RIMKLB: variants seen among roughly 807,000 people sequenced by gnomAD.
The protein encoded by RIMKLB is beta-citrylglutamate synthase B.
Under a neutral mutation model 32.0 loss-of-function variants are expected in RIMKLB, and 7 were observed. That is an observed-to-expected ratio of 0.22 (90% confidence interval 0.12 to 0.41). The LOEUF (loss-of-function observed/expected upper bound fraction) is 0.41, where lower values mean the gene tolerates loss of function less well. RIMKLB is among the 10% of genes least tolerant of loss of function. RIMKLB has a pLI of 1.00. For missense variants in RIMKLB, 289 were observed against 498.7 expected, an observed-to-expected ratio of 0.58 and a Z score of 4.00; for synonymous variants, 172 against 185.1, an observed-to-expected ratio of 0.93 and a Z score of 0.57.
upstream of RIMKLB, chr12:8,697,676 G>A (rs1221853363): frequency 6.8e-6 from 2 of 295,482 alleles, no homozygotes; most frequent in Middle Eastern, 1.2e-3. Flanking sequence ...GCGCCCTCGC[G>A]CTCCCTTTTC....
intron 4 of RIMKLB, among the ~76,000 whole-genome samples, chr12:8,753,250 TG>T: frequency 6.6e-6 from 1 of 152,316 alleles, no homozygotes; most frequent in South Asian, 2.1e-4. Flanking sequence ...TGACCTTTTA[TG>T]GTCTACCCTC....
chr12:8,722,828 TG>T (rs1315730184), intron 2 of RIMKLB, among the ~76,000 whole-genome samples: 8 of 152,256 alleles, frequency 5.3e-5, no homozygotes, highest in African/African-American at 1.9e-4. Context: ...AGATGGCTTC[TG>T]TTCCTAAATC....
At chr12:8,767,781 A>C (rs1187255045) in intron 5 of RIMKLB, among the ~76,000 whole-genome samples, 2 of 152,170 alleles carry the variant, frequency 1.3e-5, no homozygotes, top group Admixed American at 6.5e-5. Flanking sequence ...GTTTGTTAGA[A>C]AGCTCTTTCC....
At chr12:8,683,847 A>G (rs1199200117) in intron 1 of RIMKLB, among the ~76,000 whole-genome samples, 1 of 151,962 alleles carries the variant, frequency 6.6e-6, no homozygotes, top group Non-Finnish European at 1.5e-5. Flanking sequence ...TCCCGGGTTC[A>G]AGCAATTCTC....
rs755628816 is a variant in RIMKLB at position 8,773,832 on chromosome 12, CT to C, written c.*52del. On this transcript the variant is annotated 3_prime_UTR_variant, in exon 6 of 6. Coordinates refer to ENST00000535829, the MANE Select transcript of RIMKLB (RefSeq NM_001297776.2). Reference sequence around the variant, plus strand: ...AAACCCTTGTAAAACTTTCTTTCTTCTTTTCTATTTTTAAAACCAACTTGCA... The same window carrying C: ...AAACCCTTGTAAAACTTTCTTTCTTCTTTCTATTTTTAAAACCAACTTGCA... 1 of 1,545,794 alleles carries C rather than the reference CT, an allele frequency of 6.5e-7. No individual in the cohort carries two copies. The highest frequency in any genetic ancestry group is 2.3e-5 in the East Asian group (1 of 44,230).
rs180744895 is a variant in RIMKLB, at chr12:8,749,661, G to T, written c.176-201G>T. ...TTTAATGGCTATGTGGTAATTCATT[G>T]TAGTGATGTGTACTATAATTTCTTT... On this transcript the variant is annotated intron_variant, in intron 2 of 5. Coordinates refer to ENST00000535829, the MANE Select transcript of RIMKLB (RefSeq NM_001297776.2). Among the ~76,000 whole-genome samples, 9 of 152,262 alleles carry T rather than the reference G, an allele frequency of 5.9e-5. 1 individual carries two copies. Among genetic ancestry groups the T allele is most frequent in the African/African-American group, 2.2e-4 (9 of 41,542 alleles).
At position 8,745,887 on chromosome 12, in the gene RIMKLB, G is replaced by GTT. The variant is rs1240533271; in HGVS notation, c.176-3973_176-3972dup. 3.3e-5 allele frequency among the ~76,000 whole-genome samples: 5 copies of GTT among 150,340 alleles called. 1 individual carries two copies. The highest frequency in any genetic ancestry group is 1.2e-4 in the African/African-American group (5 of 40,472). On this transcript the variant is annotated intron_variant, in intron 2 of 5. Coordinates refer to ENST00000535829, the MANE Select transcript of RIMKLB (RefSeq NM_001297776.2). ...TTGTTCTATTTTTAGTACAGACAGG[G>GTT]TTTCACCATGTTGGCCAGACTGGTT...
intron 2 of RIMKLB, among the ~76,000 whole-genome samples, chr12:8,747,948 G>A (rs952618356): frequency 2.0e-5 from 3 of 151,948 alleles, no homozygotes; most frequent in Admixed American, 2.0e-4. Context: ...TAGAGATGGG[G>A]TTTCACCATG....
intron 5 of RIMKLB, among the ~76,000 whole-genome samples, chr12:8,758,623 C>T (rs1473372222): frequency 6.6e-6 from 1 of 152,130 alleles, no homozygotes; most frequent in Admixed American, 6.6e-5. Context: ...TTCTTCTCCA[C>T]CCTTTGGTCA....
At chr12:8,674,482 G>A in the RIMKLB span, among the ~76,000 whole-genome samples, 1 of 150,966 alleles carries the variant, frequency 6.6e-6, no homozygotes, top group Non-Finnish European at 1.5e-5. Flanking sequence ...CTTGTGATCC[G>A]CCTGCCTCGG....
intron 2 of RIMKLB, among the ~76,000 whole-genome samples, chr12:8,740,068 G>T (rs1206607744): frequency 6.6e-6 from 1 of 151,996 alleles, no homozygotes; most frequent in Non-Finnish European, 1.5e-5. Flanking sequence ...ACTGCGTTTG[G>T]CTAATTTTTA....
At chr12:8,699,987 C>T (rs1591628557) in intron 1 of RIMKLB, 1 of 152,232 alleles carries the variant, frequency 6.6e-6, no homozygotes, top group Non-Finnish European at 1.5e-5. Context: ...TTCTACTTAT[C>T]TTAGTTTCTA....
intron 2 of RIMKLB, among the ~76,000 whole-genome samples, chr12:8,719,217 C>T (rs1367799185): frequency 6.6e-6 from 1 of 152,136 alleles, no homozygotes; most frequent in African/African-American, 2.4e-5. Context: ...GGTTTTTCCA[C>T]GTCTTTTCCT....
At chr12:8,684,723 T>G (rs1942516542) in intron 1 of RIMKLB, among the ~76,000 whole-genome samples, 4 of 152,142 alleles carry the variant, frequency 2.6e-5, no homozygotes. Context: ...CAGGTTCAAG[T>G]GATTCTCTCA....
At chr12:8,752,687 T>G (rs1948713114) in intron 4 of RIMKLB, among the ~76,000 whole-genome samples, 1 of 152,184 alleles carries the variant, frequency 6.6e-6, no homozygotes, top group Non-Finnish European at 1.5e-5. Context: ...AATATCTTAA[T>G]GACTTTGAAT....
chr12:8,773,223 T>C (rs1950542046), intron 5 of RIMKLB, 98 bp from the exon 6 acceptor site: 1 of 820,150 alleles, frequency 1.2e-6, no homozygotes, highest in African/African-American at 1.7e-5. Context: ...TTGTTTTCAC[T>C]ATTAATTTAG....
chr12:8,743,841 C>G (rs1008605111), intron 2 of RIMKLB, among the ~76,000 whole-genome samples: 1 of 151,914 alleles, frequency 6.6e-6, no homozygotes, highest in Non-Finnish European at 1.5e-5. Flanking sequence ...TGATCCGAAA[C>G]TTATATCTAA....
rs1565435634 is a variant in RIMKLB at position 8,776,197 on chromosome 12, TTA to T, written c.*2416_*2417del. 6.1e-6 allele frequency: 6 copies of T among 981,610 alleles called. No individual in the cohort carries two copies. 60.8% of individuals were successfully genotyped at this position (981,610 alleles called of 1,614,324 possible). A position where few individuals can be genotyped will look rare whatever the true frequency, so the allele number is the denominator to read the frequency against. On this transcript the variant is annotated 3_prime_UTR_variant, in exon 6 of 6. Coordinates refer to ENST00000535829, the MANE Select transcript of RIMKLB (RefSeq NM_001297776.2). ...ACTTATACCAAATTAACCAACTATA[TTA>T]TAGGAAATATGTGAAATTAGTTCAT...
chr12:8,749,615 A>G (rs994717604), intron 2 of RIMKLB, among the ~76,000 whole-genome samples: 2 of 152,244 alleles, frequency 1.3e-5, no homozygotes, highest in African/African-American at 4.8e-5. Context: ...ATCTCTGAAC[A>G]TATATGTTTA....
Sources: allele counts gnomAD v4.1 joint callset (sites outside exome capture counted in the v4.1 genomes callset), GRCh38; gene constraint gnomAD v4.1.1; transcripts MANE v1.5; gene names NCBI Gene and HGNC (gene_info 2026-07-23, HGNC 2026-07-21).